The following MGAT4C variants were observed in gnomAD, a reference collection of about 807,000 sequenced individuals.
The protein encoded by MGAT4C is MGAT4 family member C, also known as alpha-1,3-mannosyl-glycoprotein 4-beta-N-acetylglucosaminyltransferase C.
In MGAT4C, 19 loss-of-function variants were observed where a neutral mutation model predicts 40.1. That is an observed-to-expected ratio of 0.47 (90% confidence interval 0.33 to 0.70). The LOEUF (loss-of-function observed/expected upper bound fraction) is 0.70. Among genes scored for constraint, MGAT4C ranks in the 30% least tolerant of loss-of-function variants. The pLI, the probability that MGAT4C is intolerant of heterozygous loss-of-function variation, is 0.02. For missense variants in MGAT4C, 491 were observed against 563.2 expected (o/e 0.87, Z 1.30); for synonymous variants, 181 against 187.1 (o/e 0.97, Z 0.27).
At chr12:86,546,614 C>CT (rs1959194286) in intron 2 of MGAT4C, among the ~76,000 whole-genome samples, 1 of 151,996 alleles carries the variant, frequency 6.6e-6, no homozygotes, top group Non-Finnish European at 1.5e-5. Context: ...TTTAAAAATG[C>CT]TTTTGGTGGA....
intron 2 of MGAT4C, among the ~76,000 whole-genome samples, chr12:86,580,854 A>C (rs1250978061): frequency 6.6e-6 from 1 of 151,482 alleles, no homozygotes; most frequent in Non-Finnish European, 1.5e-5. Context: ...ATTTAAGAGC[A>C]AAAAAGGGTA....
chr12:86,733,790 C>A (rs1252018146), intron 1 of MGAT4C, among the ~76,000 whole-genome samples: 1 of 151,998 alleles, frequency 6.6e-6, no homozygotes, highest in African/African-American at 2.4e-5. Context: ...GCCTGAGAAT[C>A]CTTTAAAACC....
intron 2 of MGAT4C, among the ~76,000 whole-genome samples, chr12:86,436,714 C>A (rs1957144668): frequency 6.6e-6 from 1 of 151,586 alleles, no homozygotes; most frequent in South Asian, 2.1e-4. Context: ...GAATATTTTT[C>A]TTTAAAAGAG....
intron 1 of MGAT4C, among the ~76,000 whole-genome samples, chr12:86,835,427 C>T (rs1953017896): frequency 1.3e-5 from 2 of 151,626 alleles, no homozygotes; most frequent in South Asian, 4.2e-4. Context: ...TTGCTTTGTT[C>T]CTTGAGGGAT....
chr12:86,291,092 C>T (rs1389975262), intron 4 of MGAT4C, among the ~76,000 whole-genome samples: 1 of 152,128 alleles, frequency 6.6e-6, no homozygotes, highest in Non-Finnish European at 1.5e-5. Context: ...TGGTCACAAG[C>T]TTATCTGACT....
intron 2 of MGAT4C, among the ~76,000 whole-genome samples, chr12:86,043,846 T>G (rs1332212828): frequency 1.3e-5 from 2 of 152,216 alleles, no homozygotes; most frequent in Non-Finnish European, 2.9e-5. Context: ...TTCTTTCCTG[T>G]CCATGATCTG....
intron 2 of MGAT4C, among the ~76,000 whole-genome samples, chr12:86,666,491 A>G (rs1964110813): frequency 6.6e-6 from 1 of 151,996 alleles, no homozygotes; most frequent in South Asian, 2.1e-4. Flanking sequence ...TGCTCTTTTG[A>G]AAAAAAATGC....
chr12:86,823,520 C>G (rs956688883), intron 1 of MGAT4C, among the ~76,000 whole-genome samples: 6 of 151,126 alleles, frequency 4.0e-5, no homozygotes, highest in African/African-American at 1.5e-4. Flanking sequence ...TTCACCATCT[C>G]TAGGAACACA....
chr12:86,300,529 C>G (rs1410144505), intron 4 of MGAT4C, among the ~76,000 whole-genome samples: 1 of 152,016 alleles, frequency 6.6e-6, no homozygotes, highest in African/African-American at 2.4e-5. Flanking sequence ...AAACAAAAAA[C>G]AGAGAAGGGT....
chr12:86,108,618 G>A (rs1231785750), intron 1 of MGAT4C, among the ~76,000 whole-genome samples: 1 of 152,116 alleles, frequency 6.6e-6, no homozygotes, highest in Non-Finnish European at 1.5e-5. Context: ...CGGGTTTACA[G>A]AGGCTGACAC....
At chr12:86,046,473 T>G (rs1261800350) in intron 2 of MGAT4C, among the ~76,000 whole-genome samples, 2 of 152,156 alleles carry the variant, frequency 1.3e-5, no homozygotes, top group East Asian at 3.9e-4. Context: ...GCCAAGATCA[T>G]TCTAGAGCAG....
chr12:86,672,975 TA>T (rs1964298938), intron 2 of MGAT4C, among the ~76,000 whole-genome samples: 1 of 152,080 alleles, frequency 6.6e-6, no homozygotes, highest in African/African-American at 2.4e-5. Flanking sequence ...GGGGATATAT[TA>T]AAATAATTAG....
intron 2 of MGAT4C, among the ~76,000 whole-genome samples, chr12:86,713,505 G>A (rs908007251): frequency 6.6e-6 from 1 of 151,944 alleles, no homozygotes; most frequent in Non-Finnish European, 1.5e-5. Context: ...AATTATAAGG[G>A]CTTCTACCTC....
rs181413791 is a variant in MGAT4C, at chr12:86,025,811, G to C, written c.-7+23863C>G. Reference sequence around the variant, plus strand: ...CTTTTCCAGGATTTCATAACTATTGGGACGAGGTGTATCTGACTCCCCAGA... The same window carrying C: ...CTTTTCCAGGATTTCATAACTATTGCGACGAGGTGTATCTGACTCCCCAGA... On this transcript the variant is annotated intron_variant, in intron 2 of 4. Transcript: ENST00000611864. 2.6e-3 allele frequency among the ~76,000 whole-genome samples: 399 copies of C among 151,556 alleles called. 2 individuals are homozygous for C. The highest frequency in any genetic ancestry group is 9.4e-3 in the African/African-American group (391 of 41,444).
intron 2 of MGAT4C, among the ~76,000 whole-genome samples, chr12:85,995,584 G>A (rs1886523139): frequency 6.6e-6 from 1 of 152,130 alleles, no homozygotes; most frequent in Non-Finnish European, 1.5e-5. Context: ...AGAATACTCA[G>A]AGGCCAGCTG....
At chr12:86,558,973 C>A (rs1959739315) in intron 2 of MGAT4C, among the ~76,000 whole-genome samples, 1 of 151,746 alleles carries the variant, frequency 6.6e-6, no homozygotes, top group Non-Finnish European at 1.5e-5. Flanking sequence ...ATAAGAAACT[C>A]ACTTCACTAA....
rs559513651 is a variant in MGAT4C, at chr12:86,035,571, T to C, written c.-7+14103A>G. Among the ~76,000 whole-genome samples the C allele has an allele frequency of 4.0e-5, 6 of 150,350 alleles. No homozygotes were observed. In the South Asian group the frequency reaches 1.3e-3, roughly 32 times the overall value. On this transcript the variant is annotated intron_variant, in intron 2 of 4. Coordinates refer to ENST00000611864, the MANE Select transcript of MGAT4C (RefSeq NM_001351288.2). ...AGTTTCTTTTGCTGTGCAGAAGCTC[T>C]TCAGTTTCATTAGATCCTATTTGTC... is the stretch of plus-strand genomic sequence containing the variant.
At chr12:86,045,076 G>T (rs1467730754) in intron 2 of MGAT4C, among the ~76,000 whole-genome samples, 1 of 152,034 alleles carries the variant, frequency 6.6e-6, no homozygotes, top group Non-Finnish European at 1.5e-5. Context: ...TTGGCCCAGG[G>T]TCTGTGTCCT....
At chr12:86,604,065 T>C (rs1241649502) in intron 2 of MGAT4C, among the ~76,000 whole-genome samples, 1 of 151,994 alleles carries the variant, frequency 6.6e-6, no homozygotes, top group Non-Finnish European at 1.5e-5. Flanking sequence ...AGAGTTGCTG[T>C]AGTTGTGAAC....
Sources: gnomAD v4.1 joint callset for allele counts (sites outside exome capture counted in the v4.1 genomes callset) on GRCh38, gnomAD v4.1.1 for gene constraint, MANE v1.5 for transcripts, NCBI Gene and HGNC (gene_info 2026-07-23, HGNC 2026-07-21) for gene names.